Variants in TNR observed in about 807,000 individuals in gnomAD.
TNR encodes the protein tenascin R.
TNR carries 45 observed loss-of-function variants against 150.4 expected under a neutral mutation model. That is an observed-to-expected ratio of 0.30 (90% confidence interval 0.24 to 0.38). TNR has a LOEUF of 0.38. TNR is among the 10% of genes least tolerant of loss of function. The pLI is 1.00. For synonymous variants in TNR, 687 were observed against 678.4 expected (o/e 1.01, Z -0.20); for missense variants, 1,544 against 1,759.1 (o/e 0.88, Z 2.19).
chr1:175,451,560 T>C (rs903563834), intron 2 of TNR, among the ~76,000 whole-genome samples: 1 of 149,638 alleles, frequency 6.7e-6, no homozygotes, highest in African/African-American at 2.4e-5. Context: ...ATCTCTCCAA[T>C]AGGGGATTTT....
intron 1 of TNR, among the ~76,000 whole-genome samples, chr1:175,591,359 G>A (rs1378504191): frequency 6.6e-6 from 1 of 152,234 alleles, no homozygotes; most frequent in African/African-American, 2.4e-5. Context: ...TCCCAGGACT[G>A]CTGTGGGATT....
At chr1:175,723,642 C>T (rs529887456) in intron 1 of TNR, among the ~76,000 whole-genome samples, 2 of 152,262 alleles carry the variant, frequency 1.3e-5, no homozygotes, top group South Asian at 2.1e-4. Context: ...GAGGCCGAAG[C>T]GAGTGGACCA....
chr1:175,703,743 A>G (rs1666768125), intron 1 of TNR, among the ~76,000 whole-genome samples: 1 of 152,218 alleles, frequency 6.6e-6, no homozygotes, highest in Non-Finnish European at 1.5e-5. Context: ...CAAACAAGCA[A>G]TCACAAAGTG....
intron 1 of TNR, among the ~76,000 whole-genome samples, chr1:175,539,827 A>T (rs918557420): frequency 1.3e-5 from 2 of 152,182 alleles, no homozygotes; most frequent in Non-Finnish European, 1.5e-5. Context: ...CTTCCCAGAG[A>T]TATTTGCATT....
chr1:175,435,511 A>G (rs1655465153), intron 2 of TNR, among the ~76,000 whole-genome samples: 1 of 152,220 alleles, frequency 6.6e-6, no homozygotes, highest in African/African-American at 2.4e-5. Flanking sequence ...AATTCCAGGA[A>G]GTCATACTGA....
At chr1:175,526,581 A>G (rs919134382) in intron 2 of TNR, among the ~76,000 whole-genome samples, 1 of 152,134 alleles carries the variant, frequency 6.6e-6, no homozygotes, top group East Asian at 1.9e-4. Context: ...TGGGAGCTCA[A>G]CTCCCCAAAT....
intron 1 of TNR, among the ~76,000 whole-genome samples, chr1:175,634,206 T>C (rs538949389): frequency 6.6e-6 from 1 of 152,326 alleles, no homozygotes; most frequent in African/African-American, 2.4e-5. Flanking sequence ...CAGAGCTGTG[T>C]GCCCCCATGT....
chr1:175,724,544 G>C (rs1035893298), intron 1 of TNR, among the ~76,000 whole-genome samples: 6 of 152,160 alleles, frequency 3.9e-5, no homozygotes, highest in East Asian at 1.9e-4. Flanking sequence ...TGGGTACACA[G>C]ATCCGAACCA....
intron 1 of TNR, among the ~76,000 whole-genome samples, chr1:175,608,706 G>T (rs1435978982): frequency 6.6e-6 from 1 of 152,166 alleles, no homozygotes; most frequent in Non-Finnish European, 1.5e-5. Flanking sequence ...AAAAAAATGG[G>T]CAAGAATAGG....
intron 1 of TNR, among the ~76,000 whole-genome samples, chr1:175,669,196 A>G (rs1339808914): frequency 1.3e-5 from 2 of 152,232 alleles, no homozygotes; most frequent in Non-Finnish European, 2.9e-5. Context: ...ATGGTAAAGC[A>G]TGTGAAAGAT....
intron 1 of TNR, among the ~76,000 whole-genome samples, chr1:175,692,962 T>C (rs1666415660): frequency 6.6e-6 from 1 of 152,220 alleles, no homozygotes; most frequent in Non-Finnish European, 1.5e-5. Flanking sequence ...AAATATTCAT[T>C]GAACATCTAC....
intron 18 of TNR, among the ~76,000 whole-genome samples, chr1:175,339,804 C>G (rs552984637): frequency 6.6e-6 from 1 of 152,324 alleles, no homozygotes; most frequent in African/African-American, 2.4e-5. Context: ...CATCTCCCCA[C>G]AAATCTCAAA....
At chr1:175,542,041 A>T (rs1660520093) in intron 1 of TNR, among the ~76,000 whole-genome samples, 1 of 152,146 alleles carries the variant, frequency 6.6e-6, no homozygotes, top group Non-Finnish European at 1.5e-5. Context: ...ACCTCCTGGC[A>T]CTAGGGTAAG....
chr1:175,400,955 G>C (rs1451985071), intron 4 of TNR, among the ~76,000 whole-genome samples: 3 of 152,200 alleles, frequency 2.0e-5, no homozygotes, highest in Non-Finnish European at 1.5e-5. Context: ...CAAATGAGTG[G>C]TGGCTCTAGG....
intron 5 of TNR, among the ~76,000 whole-genome samples, chr1:175,396,206 C>A (rs146170234): frequency 1.6e-3 from 249 of 152,288 alleles, no homozygotes; most frequent in African/African-American, 5.6e-3. Flanking sequence ...TGTTTTGGAT[C>A]CCTAACTGAT....
chr1:175,740,295 A>G (rs1667890506), intron 1 of TNR, among the ~76,000 whole-genome samples: 1 of 152,226 alleles, frequency 6.6e-6, no homozygotes, highest in South Asian at 2.1e-4. Flanking sequence ...TGGTGTTGGG[A>G]GAGGGAGAAA....
intron 1 of TNR, among the ~76,000 whole-genome samples, chr1:175,578,094 G>A (rs1662194276): frequency 1.3e-5 from 2 of 152,186 alleles, no homozygotes; most frequent in African/African-American, 4.8e-5. Context: ...GTTATTAGTA[G>A]TGAATAGATC....
intron 1 of TNR, among the ~76,000 whole-genome samples, chr1:175,712,874 C>T (rs953325347): frequency 2.0e-5 from 3 of 152,028 alleles, no homozygotes; most frequent in African/African-American, 7.3e-5. Flanking sequence ...TATAAATTAC[C>T]CAATCTCAGC....
At chr1:175,402,349 C>T (rs1288236801) in intron 4 of TNR, among the ~76,000 whole-genome samples, 2 of 150,336 alleles carry the variant, frequency 1.3e-5, no homozygotes, top group Non-Finnish European at 3.0e-5. Context: ...GGGAATCAGC[C>T]CCAATGAGAT....
Sources: gnomAD v4.1 joint callset for allele counts (sites outside exome capture counted in the v4.1 genomes callset) on GRCh38, gnomAD v4.1.1 for gene constraint, MANE v1.5 for transcripts, NCBI Gene and HGNC (gene_info 2026-07-23, HGNC 2026-07-21) for gene names.